TANC2: variants seen among roughly 807,000 people sequenced by gnomAD.
The protein encoded by TANC2 is protein TANC2.
A neutral mutation model predicts 210.5 loss-of-function variants in TANC2; 26 were observed. The observed-to-expected ratio is 0.12, with a 90% CI of 0.09 to 0.17. The LOEUF (loss-of-function observed/expected upper bound fraction) is 0.17. TANC2 is among the 10% of genes least tolerant of loss of function. The pLI is 1.00. For synonymous variants in TANC2, 931 were observed against 967.1 expected, an observed-to-expected ratio of 0.96 and a Z score of 0.69; for missense variants, 2,129 against 2,608.9, an observed-to-expected ratio of 0.82 and a Z score of 4.01.
chr17:63,125,480 A>G (rs192118716), intron 4 of TANC2, among the ~76,000 whole-genome samples: 1 of 152,330 alleles, frequency 6.6e-6, no homozygotes, highest in African/African-American at 2.4e-5. Flanking sequence ...AGCAGAGAGT[A>G]GTTACAACTT....
Position 63,412,743 on chromosome 17 carries a change from C to G in TANC2, c.3928+34C>G. 1 of 1,535,246 alleles carries G rather than the reference C, an allele frequency of 6.5e-7. No individual in the cohort carries two copies. Among genetic ancestry groups the G allele is most frequent in the Non-Finnish European group, 8.7e-7 (1 of 1,146,728 alleles). ...CACCGCTGTCAGCATCAGGCGTGGT[C>G]TGATGGCTTGGTCAGCTTTGCCTTC... is the stretch of plus-strand genomic sequence containing the variant. On this transcript the variant is annotated intron_variant, in intron 24 of 27. Coordinates refer to ENST00000689528, the Ensembl canonical transcript of TANC2. This position sits in a 1 kb window ranked among gnomAD's most constrained non-coding sequence, Gnocchi z 4.2.
At chr17:63,098,446 A>G (rs2037473224) in intron 3 of TANC2, among the ~76,000 whole-genome samples, 1 of 72,198 alleles carries the variant, frequency 1.4e-5, no homozygotes, top group Non-Finnish European at 2.4e-5. Context: ...ACACACACAC[A>G]CACACACACA....
chr17:63,347,499 T>A (rs570338666), intron 12 of TANC2, among the ~76,000 whole-genome samples: 28 of 152,356 alleles, frequency 1.8e-4, no homozygotes, highest in Admixed American at 1.8e-3. Flanking sequence ...GTTGCAATAA[T>A]TTTTAATATA....
chr17:63,369,937 C>G (rs1358545634), intron 14 of TANC2, among the ~76,000 whole-genome samples: 2 of 151,688 alleles, frequency 1.3e-5, no homozygotes, highest in Non-Finnish European at 2.9e-5. Context: ...TCCTTACCTT[C>G]CCTACACAAA....
chr17:63,037,078 A>G (rs1012990226), intron 2 of TANC2, among the ~76,000 whole-genome samples: 1 of 152,158 alleles, frequency 6.6e-6, no homozygotes. Flanking sequence ...TATTATAACA[A>G]TATATTATAG....
chr17:63,149,706 TA>T (rs1354626462), intron 4 of TANC2: 5 of 152,156 alleles, frequency 3.3e-5, no homozygotes, highest in Non-Finnish European at 5.9e-5. Context: ...AAAGAGATTC[TA>T]ATATTGGCTA....
chr17:63,325,684 A>C (rs1355097661), intron 11 of TANC2, among the ~76,000 whole-genome samples: 1 of 152,260 alleles, frequency 6.6e-6, no homozygotes, highest in South Asian at 2.1e-4. Flanking sequence ...ATATTTGTGA[A>C]TGAATGAAAA....
rs552174751 is a variant in TANC2 at position 63,115,961 on chromosome 17, T to C, written c.322+16604T>C. Among the ~76,000 whole-genome samples the C allele has an allele frequency of 9.8e-5, 15 of 152,326 alleles. No homozygotes were observed. The South Asian group carries it at 3.1e-3, about 32-fold the overall frequency. On this transcript the variant is annotated intron_variant, in intron 4 of 27. Transcript: ENST00000689528. ...GCAATTCTTTTTAGTCACATTTTAC[T>C]GAGGTTCTTCATTTATGGAGATAAA...
chr17:62,970,286 TTAATA>T (rs1476781618), intron 1 of TANC2, among the ~76,000 whole-genome samples: 1 of 152,218 alleles, frequency 6.6e-6, no homozygotes, highest in Non-Finnish European at 1.5e-5. Flanking sequence ...CTTACGTAAT[TTAATA>T]TATTTAATAA....
At position 63,410,292 on chromosome 17, in the gene TANC2, CTTCT is replaced by C. The variant is rs547305910; in HGVS notation, c.3590-1214_3590-1211del. On this transcript the variant is annotated intron_variant, in intron 21 of 27. Transcript: ENST00000689528. Reference sequence around the variant, plus strand: ...TACCGTAGATCTCTTGAACTTATTTCTTCTTTCTAAGTGAATTTTGTGTCTTTGA... The same window carrying C: ...TACCGTAGATCTCTTGAACTTATTTCTTCTAAGTGAATTTTGTGTCTTTGA... 3.7e-3 allele frequency among the ~76,000 whole-genome samples: 562 copies of C among 151,496 alleles called. 2 individuals carry two copies. The highest frequency in any genetic ancestry group is 4.9e-3 in the Non-Finnish European group (333 of 67,874).
At chr17:63,128,069 T>C (rs2038777291) in intron 4 of TANC2, among the ~76,000 whole-genome samples, 1 of 152,170 alleles carries the variant, frequency 6.6e-6, no homozygotes, top group South Asian at 2.1e-4. Context: ...TTAAATTATG[T>C]ATATGTTAGA....
exon 16 of TANC2, chr17:63,388,675 A>G: frequency 6.2e-7 from 1 of 1,606,948 alleles, no homozygotes; most frequent in Non-Finnish European, 8.5e-7. Context: ...TCCATCCTCC[A>G]AGGTCTCTGG....
chr17:63,235,206 C>T (rs746729648), intron 7 of TANC2, among the ~76,000 whole-genome samples: 1 of 152,004 alleles, frequency 6.6e-6, no homozygotes, highest in Non-Finnish European at 1.5e-5. Context: ...TCCAGATTTG[C>T]TACCACATAC....
At chr17:62,976,249 G>A (rs925970072) in intron 1 of TANC2, among the ~76,000 whole-genome samples, 4 of 152,040 alleles carry the variant, frequency 2.6e-5, no homozygotes, top group South Asian at 4.2e-4. Context: ...CTTGAGATGC[G>A]CCCCTTGACA....
At chr17:63,113,164 A>G (rs2038119604) in intron 4 of TANC2, among the ~76,000 whole-genome samples, 1 of 152,258 alleles carries the variant, frequency 6.6e-6, no homozygotes, top group Admixed American at 6.5e-5. Context: ...CTCTCTAAAC[A>G]GGAAATAAAT....
chr17:63,107,242 G>T lies in TANC2; in HGVS notation c.322+7885G>T, dbSNP rs959940780. On this transcript the variant is annotated intron_variant, in intron 4 of 27. Transcript: ENST00000689528. ...ACAAAGTTATCAGAATGTATAAAAAGCATTTCCAGGGAGTGTTATTTATAA... is the reference window on the plus strand; with the variant it reads ...ACAAAGTTATCAGAATGTATAAAAATCATTTCCAGGGAGTGTTATTTATAA... Among the ~76,000 whole-genome samples, 35 of 151,566 alleles carry T rather than the reference G, an allele frequency of 2.3e-4. 2 individuals carry two copies. Among genetic ancestry groups the T allele is most frequent in the African/African-American group, 7.8e-4 (32 of 40,936 alleles).
At chr17:63,223,038 C>T in intron 7 of TANC2, among the ~76,000 whole-genome samples, 1 of 152,078 alleles carries the variant, frequency 6.6e-6, no homozygotes, top group Non-Finnish European at 1.5e-5. Context: ...CACAAAAGGC[C>T]AAATATTATG....
intron 8 of TANC2, among the ~76,000 whole-genome samples, chr17:63,248,929 T>C (rs919260670): frequency 2.0e-5 from 3 of 152,148 alleles, no homozygotes; most frequent in Non-Finnish European, 4.4e-5. Context: ...AAGAAATATA[T>C]ATAGTGAAAA....
intron 5 of TANC2, chr17:63,152,561 A>C (rs2039689839): frequency 6.6e-6 from 1 of 152,290 alleles, no homozygotes; most frequent in East Asian, 1.9e-4. Context: ...TTCTGTTTTC[A>C]AAAGGAACAA....
Sources: gnomAD v4.1 joint callset for allele counts (sites outside exome capture counted in the v4.1 genomes callset) on GRCh38, gnomAD v4.1.1 for gene constraint, Gnocchi (gnomAD v3.1) non-coding constraint, MANE v1.5 for transcripts, NCBI Gene and HGNC (gene_info 2026-07-23, HGNC 2026-07-21) for gene names.